The following TNFRSF10D variants were observed in gnomAD, a reference collection of about 807,000 sequenced individuals.
The protein encoded by TNFRSF10D is tumor necrosis factor receptor superfamily member 10D.
A neutral mutation model predicts 42.1 loss-of-function variants in TNFRSF10D; 28 were observed. The observed-to-expected ratio is 0.66, with a 90% CI of 0.49 to 0.91. TNFRSF10D has a LOEUF of 0.91. Ranked by LOEUF, TNFRSF10D falls within the 40% of genes least tolerant of loss-of-function variation. The pLI is 0.00. For missense variants in TNFRSF10D, 503 were observed against 486.1 expected, an observed-to-expected ratio of 1.03 and a Z score of -0.33; for synonymous variants, 186 against 189.4, an observed-to-expected ratio of 0.98 and a Z score of 0.15.
chr8:23,160,054 G>T (rs7838365), intron 1 of TNFRSF10D, among the ~76,000 whole-genome samples: 8,047 of 152,162 alleles, frequency 0.053, 723 homozygotes, highest in African/African-American at 0.18. Context: ...CACCAACACG[G>T]CCTCTCTGGA....
Position 23,163,847 on chromosome 8 carries a change from G to C in TNFRSF10D, c.89C>G (p.Pro30Arg), listed in dbSNP as rs1309128924. ...PGARTASGTR[P>R]WLLDPKILKF... ...AAGGATCTTGGGGTCCAGGAGCCATGGTCTGGTTCCCGACGCTGTCCTGGC... is the reference window on the plus strand; with the variant it reads ...AAGGATCTTGGGGTCCAGGAGCCATCGTCTGGTTCCCGACGCTGTCCTGGC... Residue 30 changes from proline (P) to arginine (R), a missense_variant, in exon 1 of 9, where the codon CCA becomes CGA. Coordinates refer to ENST00000312584, the MANE Select transcript of TNFRSF10D (RefSeq NM_003840.5). 834 of 1,606,438 alleles carry C rather than the reference G, an allele frequency of 5.2e-4. No homozygotes were observed. The African/African-American group carries it at 9.4e-3, about 18-fold the overall frequency.
At chr8:23,152,735 A>T (rs1192386340) in intron 2 of TNFRSF10D, among the ~76,000 whole-genome samples, 1 of 152,240 alleles carries the variant, frequency 6.6e-6, no homozygotes, top group Admixed American at 6.5e-5. Flanking sequence ...AAATAAATGG[A>T]AAGACAGTAC....
intron 4 of TNFRSF10D, 106 bp downstream of exon 4, chr8:23,146,855 T>C (rs1800127546): frequency 3.1e-6 from 3 of 966,688 alleles, no homozygotes; most frequent in Non-Finnish European, 4.8e-6. Context: ...CAGGGAGGCC[T>C]CGGGCCTGGA....
rs145423724 is a variant in TNFRSF10D, at chr8:23,148,717, C to T, written c.257-166G>A. 7.1e-3 allele frequency among the ~76,000 whole-genome samples: 1,079 copies of T among 151,998 alleles called. 10 individuals carry two copies. The highest frequency in any genetic ancestry group is 0.01 in the Non-Finnish European group (705 of 67,876). ...TCTGCATCTATTACACTATTACATA[C>T]CTTTGACTGGCACTGCTGACAGAAA... On this transcript the variant is annotated intron_variant, in intron 2 of 8. Coordinates refer to ENST00000312584, the MANE Select transcript of TNFRSF10D (RefSeq NM_003840.5).
chr8:23,144,974 G>A (rs1800093646), intron 6 of TNFRSF10D, 84 bp downstream of exon 6: 3 of 1,588,148 alleles, frequency 1.9e-6, no homozygotes, highest in Non-Finnish European at 2.6e-6. Flanking sequence ...GAGGACAAGG[G>A]ATTGTGCCCA....
chr8:23,141,684 A>T lies in TNFRSF10D; in HGVS notation c.954+2766T>A, dbSNP rs114266282. ...ACATGAACACACATGTCTCAAAAGAAGACATACAAGTGGCCAACAAACATA... is the reference window on the plus strand; with the variant it reads ...ACATGAACACACATGTCTCAAAAGATGACATACAAGTGGCCAACAAACATA... On this transcript the variant is annotated intron_variant, in intron 7 of 8. Coordinates refer to ENST00000312584, the MANE Select transcript of TNFRSF10D (RefSeq NM_003840.5). Among the ~76,000 whole-genome samples, 1,362 of 152,282 alleles carry T rather than the reference A, an allele frequency of 8.9e-3. 21 individuals carry two copies. Among genetic ancestry groups the T allele is most frequent in the African/African-American group, 0.032 (1,312 of 41,556 alleles).
In TNFRSF10D at chr8:23,147,065, T is replaced by C. The variant is rs751838032; in HGVS notation, c.378A>G (p.Thr126=). The C allele has an allele frequency of 5.0e-6, 8 of 1,613,662 alleles. No homozygotes were observed. Among genetic ancestry groups the C allele is most frequent in the African/African-American group, 2.7e-5 (2 of 74,846 alleles). The change falls in exon 4 of 9, where the codon ACA becomes ACG. Residue 126 remains threonine (T), a synonymous_variant. Coordinates refer to ENST00000312584, the MANE Select transcript of TNFRSF10D (RefSeq NM_003840.5). The part of the protein sequence containing the change: ...LLCTVCKSGQ[T]NKSSCTTTRD... ...TGGTCGTGGTACAGGAACTTTTATT[T>C]GTTTGACCTGACAACAGAGCATAAG... is the stretch of plus-strand genomic sequence containing the variant.
chr8:23,150,667 A>C (rs1047664376), intron 2 of TNFRSF10D, among the ~76,000 whole-genome samples: 3 of 152,266 alleles, frequency 2.0e-5, no homozygotes, highest in African/African-American at 7.2e-5. Context: ...TCAGGAAAAC[A>C]ATACATGAAC....
At chr8:23,143,130 C>G (rs1235595621) in intron 7 of TNFRSF10D, among the ~76,000 whole-genome samples, 1 of 152,156 alleles carries the variant, frequency 6.6e-6, no homozygotes, top group African/African-American at 2.4e-5. Context: ...GCACCCGCTA[C>G]CACGCCCGGC....
In TNFRSF10D at chr8:23,140,600, C is replaced by A. The variant is rs1814447013; in HGVS notation, c.955-2340G>T. Among the ~76,000 whole-genome samples, 4 of 152,124 alleles carry A rather than the reference C, an allele frequency of 2.6e-5. No individual in the cohort carries two copies. In the South Asian group the frequency reaches 6.2e-4, roughly 24 times the overall value. ...ATCAATCTACAGATTTAATACTACTCCTATCAAATTACCAATGTCATTTTC... is the reference window on the plus strand; with the variant it reads ...ATCAATCTACAGATTTAATACTACTACTATCAAATTACCAATGTCATTTTC... On this transcript the variant is annotated intron_variant, in intron 7 of 8. Transcript: ENST00000312584.
At chr8:23,157,817 G>C (rs1170193994) in intron 1 of TNFRSF10D, among the ~76,000 whole-genome samples, 1 of 152,236 alleles carries the variant, frequency 6.6e-6, no homozygotes, top group Admixed American at 6.5e-5. Flanking sequence ...TAGGCAGCTA[G>C]TCAGGTATGA....
chr8:23,164,018 C>T lies in TNFRSF10D; in HGVS notation c.-83G>A. ...GTTTGTGCGCGTGCAAAGGTTCTCGCAGCTACACTGCCAGAATAGAACGTG... is the reference window on the plus strand; with the variant it reads ...GTTTGTGCGCGTGCAAAGGTTCTCGTAGCTACACTGCCAGAATAGAACGTG... On this transcript the variant is annotated 5_prime_UTR_variant, in exon 1 of 9. Transcript: ENST00000312584. 2 of 1,434,086 alleles carry T rather than the reference C, an allele frequency of 1.4e-6. No homozygotes were observed. Among genetic ancestry groups the T allele is most frequent in the Non-Finnish European group, 1.8e-6 (2 of 1,087,096 alleles). 88.8% of individuals were successfully genotyped at this position (1,434,086 alleles called of 1,614,324 possible).
At position 23,163,923 on chromosome 8, in the gene TNFRSF10D, C is replaced by T; in HGVS notation, c.13G>A (p.Gly5Arg). The T allele has an allele frequency of 6.3e-7, 1 of 1,575,518 alleles. No homozygotes were observed. The highest frequency in any genetic ancestry group is 8.6e-7 in the Non-Finnish European group (1 of 1,165,552). Residue 5 changes from glycine (G) to arginine (R), a missense_variant, in exon 1 of 9, where the codon GGA becomes AGA. Transcript: ENST00000312584. MGLW[G>R]QSVPTASSAR... ...CTCGAGGCGGTCGGGACGCTTTGTC[C>T]CCAAAGTCCCATGAGAAGGGAGGAG...
At chr8:23,155,064 G>C in intron 1 of TNFRSF10D, 85 bp from the exon 2 acceptor site, 1 of 1,085,562 alleles carries the variant, frequency 9.2e-7, no homozygotes, top group Non-Finnish European at 1.3e-6. Context: ...TTCACCCCAA[G>C]TGACAAAACC....
At chr8:23,152,200 A>G (rs1800220618) in intron 2 of TNFRSF10D, among the ~76,000 whole-genome samples, 1 of 152,224 alleles carries the variant, frequency 6.6e-6, no homozygotes, top group Non-Finnish European at 1.5e-5. Flanking sequence ...AACACAACAA[A>G]ACACAGGAAA....
intron 2 of TNFRSF10D, among the ~76,000 whole-genome samples, chr8:23,150,960 A>G (rs944180952): frequency 6.6e-6 from 1 of 152,220 alleles, no homozygotes; most frequent in African/African-American, 2.4e-5. Flanking sequence ...TGGTCCAAGG[A>G]GCATCAGAGA....
chr8:23,148,941 A>G (rs1051026886), intron 2 of TNFRSF10D, among the ~76,000 whole-genome samples: 2 of 151,724 alleles, frequency 1.3e-5, no homozygotes, highest in African/African-American at 2.4e-5. Context: ...CTGTAATCCC[A>G]GTACTTAGGG....
rs779610293 is a variant in TNFRSF10D, at chr8:23,145,707, G to A, written c.697C>T (p.Arg233Trp). The change falls in exon 5 of 9, where the codon CGG (arginine) becomes TGG (tryptophan). Residue 233 changes from arginine to tryptophan, a missense_variant. Physicochemically the swap from Arg to Trp is moderately radical, Grantham distance 101 (BLOSUM62 -3). Transcript: ENST00000312584. ...LAVVVVGFSC[R>W]KKFISYLKGI... ...TTGAGGTAAGAAATGAATTTCTTCC[G>A]ACATGAAAAGCCAACCACAACCACA... 7.4e-6 allele frequency: 12 copies of A among 1,614,002 alleles called. No homozygotes were observed. The highest frequency in any genetic ancestry group is 6.7e-5 in the Admixed American group (4 of 60,002).
chr8:23,135,671 C>T lies in TNFRSF10D; in HGVS notation c.*2199G>A. Reference sequence around the variant, plus strand: ...AACCAGGTGTTATGTGCTATTTGGCCCGGGTATAAAGCAAAACCTAAACAA... The same window carrying T: ...AACCAGGTGTTATGTGCTATTTGGCTCGGGTATAAAGCAAAACCTAAACAA... On this transcript the variant is annotated 3_prime_UTR_variant, in exon 9 of 9. Coordinates refer to ENST00000312584, the MANE Select transcript of TNFRSF10D (RefSeq NM_003840.5). 7.3e-6 allele frequency: 2 copies of T among 273,092 alleles called. No homozygotes were observed. The highest frequency in any genetic ancestry group is 1.5e-5 in the Non-Finnish European group (2 of 136,166). The allele number at this position is 273,092 out of a possible 1,614,324, so 16.9% of individuals were successfully genotyped here.
Sources: allele counts gnomAD v4.1 joint callset (sites outside exome capture counted in the v4.1 genomes callset), GRCh38; gene constraint gnomAD v4.1.1; transcripts MANE v1.5; gene names NCBI Gene and HGNC (gene_info 2026-07-23, HGNC 2026-07-21).